Variants in CFAP47 observed in about 807,000 individuals in gnomAD.
CFAP47 encodes the protein cilia- and flagella-associated protein 47.
A neutral mutation model predicts 148.1 loss-of-function variants in CFAP47; 29 were observed. The ratio of observed to expected loss-of-function variants is 0.20; its 90% CI spans 0.15 to 0.27. The LOEUF is 0.27. Among genes scored for constraint, CFAP47 ranks in the 10% least tolerant of loss-of-function variants. CFAP47 has a pLI of 1.00. For synonymous variants in CFAP47, 664 were observed against 577.3 expected, an observed-to-expected ratio of 1.15 and a Z score of -2.15; for missense variants, 1,872 against 1,697.5, an observed-to-expected ratio of 1.10 and a Z score of -1.81.
chrX:35,986,779 T>C (rs1225513126), intron 15 of CFAP47, among the ~76,000 whole-genome samples: 1 of 111,425 alleles, frequency 9.0e-6, no homozygotes, highest in East Asian at 2.9e-4. Flanking sequence ...TGGTGACCTT[T>C]GGATGGAGTT....
At chrX:36,321,076 C>T (rs6632570) in intron 57 of CFAP47, among the ~76,000 whole-genome samples, 20,558 of 110,900 alleles carry the variant, frequency 0.19, 1,469 homozygotes, top group South Asian at 0.31. Flanking sequence ...ATATCTGTAC[C>T]TCCATGTTTA....
intron 50 of CFAP47, among the ~76,000 whole-genome samples, chrX:36,283,904 C>A (rs1941105811): frequency 8.9e-6 from 1 of 111,790 alleles, no homozygotes; most frequent in Admixed American, 9.5e-5. Context: ...TTCCACTGAT[C>A]TTTGCATTAA....
intron 23 of CFAP47, among the ~76,000 whole-genome samples, chrX:36,034,659 G>T (rs1330639915): frequency 1.8e-5 from 2 of 110,168 alleles, no homozygotes; most frequent in Non-Finnish European, 3.8e-5. Context: ...GCCATTATAA[G>T]CTCTTCTACG....
chrX:36,366,483 G>C (rs1378888087), intron 61 of CFAP47, among the ~76,000 whole-genome samples: 1 of 111,621 alleles, frequency 9.0e-6, no homozygotes, highest in African/African-American at 3.2e-5. Context: ...CAATTGTATG[G>C]GCTTTGCATG....
intron 49 of CFAP47, among the ~76,000 whole-genome samples, chrX:36,265,624 A>C (rs1364270142): frequency 1.8e-5 from 2 of 111,783 alleles, no homozygotes; most frequent in Non-Finnish European, 3.8e-5. Flanking sequence ...AGTGATGATA[A>C]ATTTTATTGA....
intron 6 of CFAP47, 86 bp downstream of exon 6, chrX:35,952,049 T>C: frequency 3.0e-6 from 3 of 986,839 alleles, no homozygotes; most frequent in Non-Finnish European, 4.0e-6. Flanking sequence ...TTTAATACTA[T>C]AATAGTAAAA....
At chrX:36,070,654 G>A (rs1225183017) in intron 27 of CFAP47, among the ~76,000 whole-genome samples, 3 of 110,007 alleles carry the variant, frequency 2.7e-5, no homozygotes, top group African/African-American at 6.6e-5. Flanking sequence ...ACCACACCTG[G>A]CTAATTTTTG....
At chrX:36,311,676 A>G (rs781861280) in intron 56 of CFAP47, among the ~76,000 whole-genome samples, 672 of 110,856 alleles carry the variant, frequency 6.1e-3, no homozygotes, top group African/African-American at 0.021. Context: ...TGACCAACTT[A>G]CTCTCCAGAA....
chrX:36,234,940 A>G (rs781983933), intron 46 of CFAP47, among the ~76,000 whole-genome samples: 42 of 111,344 alleles, frequency 3.8e-4, no homozygotes, highest in African/African-American at 1.2e-3. Flanking sequence ...GATTTTCGTG[A>G]ACTGCGAATG....
chrX:36,061,046 G>A (rs746273317), intron 26 of CFAP47, among the ~76,000 whole-genome samples: 1 of 111,562 alleles, frequency 9.0e-6, no homozygotes, highest in African/African-American at 3.3e-5. Flanking sequence ...TGGAGGAGGG[G>A]CCCTGTGGGA....
intron 1 of CFAP47, among the ~76,000 whole-genome samples, chrX:35,922,950 C>A (rs1298479253): frequency 9.0e-6 from 1 of 111,353 alleles, no homozygotes; most frequent in Non-Finnish European, 1.9e-5. Flanking sequence ...CTCGCTTCTT[C>A]TCCACCTTTA....
chrX:36,204,497 G>A (rs1555988566), intron 44 of CFAP47, among the ~76,000 whole-genome samples: 1 of 110,753 alleles, frequency 9.0e-6, no homozygotes, highest in African/African-American at 3.3e-5. Flanking sequence ...GTTAATGGGT[G>A]CAGCACACCT....
intron 35 of CFAP47, chrX:36,144,673 G>A (rs758091692): frequency 9.7e-7 from 1 of 1,026,210 alleles, no homozygotes; most frequent in East Asian, 6.1e-5. Context: ...GCAGTGGCCA[G>A]AACAAAGAGA....
In CFAP47 at chrX:35,975,686, C is replaced by T; in HGVS notation, c.2486C>T (p.Thr829Ile). 8.3e-7 allele frequency: 1 copy of T among 1,209,332 alleles called. No individual in the cohort carries two copies. The highest frequency in any genetic ancestry group is 1.8e-5 in the South Asian group (1 of 56,890). The change falls in exon 15 of 64, where the codon ACA becomes ATA. Residue 829 changes from threonine (T) to isoleucine (I), a missense_variant. Physicochemically the swap from Thr to Ile is moderately conservative, Grantham distance 89. Transcript: ENST00000378653. ...IGKFWKSFTF[T>I]VNNVPSGHIL... ...CTGCATTACAGGTCTTTCACCTTTACAGTGAACAATGTACCCAGTGGACAC... is the reference window on the plus strand; with the variant it reads ...CTGCATTACAGGTCTTTCACCTTTATAGTGAACAATGTACCCAGTGGACAC...
At chrX:36,108,485 A>G (rs1239009874) in intron 33 of CFAP47, among the ~76,000 whole-genome samples, 1 of 111,916 alleles carries the variant, frequency 8.9e-6, no homozygotes, top group Non-Finnish European at 1.9e-5. Context: ...GATTCTATCC[A>G]CAAGTTATCT....
chrX:35,980,825 T>C (rs1936632776), intron 15 of CFAP47, among the ~76,000 whole-genome samples: 1 of 110,867 alleles, frequency 9.0e-6, no homozygotes, highest in African/African-American at 3.3e-5. Context: ...TTCTTTAGCT[T>C]CACCCTCCTC....
At chrX:36,098,598 C>T (rs1313427425) in intron 30 of CFAP47, among the ~76,000 whole-genome samples, 195 bp from the exon 31 acceptor site, 8 of 111,712 alleles carry the variant, frequency 7.2e-5, no homozygotes, top group Non-Finnish European at 1.5e-4. Flanking sequence ...ACTCTTCCCT[C>T]CCCTTTCCAA....
intron 45 of CFAP47, chrX:36,211,406 T>C: frequency 4.2e-6 from 1 of 240,400 alleles, no homozygotes; most frequent in Admixed American, 4.4e-5. Context: ...CTAAGATGCC[T>C]CCTTCGGCCT....
chrX:36,191,633 A>C (rs781795506), intron 42 of CFAP47, among the ~76,000 whole-genome samples: 5 of 111,278 alleles, frequency 4.5e-5, no homozygotes, highest in Non-Finnish European at 9.4e-5. Flanking sequence ...CAAACATGCA[A>C]GCTCACCTAG....
Sources: allele counts gnomAD v4.1 joint callset (sites outside exome capture counted in the v4.1 genomes callset), GRCh38; gene constraint gnomAD v4.1.1; transcripts MANE v1.5; gene names NCBI Gene and HGNC (gene_info 2026-07-23, HGNC 2026-07-21).